ICA1: variants seen among roughly 807,000 people sequenced by gnomAD.
ICA1 encodes the protein islet cell autoantigen 1.
Under a neutral mutation model 71.0 loss-of-function variants are expected in ICA1, and 40 were observed. The ratio of observed to expected loss-of-function variants is 0.56; its 90% CI spans 0.44 to 0.73. The LOEUF (loss-of-function observed/expected upper bound fraction) is 0.73, where lower values mean the gene tolerates loss of function less well. Among genes scored for constraint, ICA1 ranks in the 30% least tolerant of loss-of-function variants. The probability of loss-of-function intolerance (pLI) is 0.00; values close to 1 mark genes in which losing one functional copy is unlikely to be tolerated. For missense variants in ICA1, 578 were observed against 576.5 expected (o/e 1.00, Z -0.03); for synonymous variants, 207 against 209.5 (o/e 0.99, Z 0.10).
At chr7:8,134,242 G>A (rs1303826795) in intron 12 of ICA1, among the ~76,000 whole-genome samples, 3 of 152,170 alleles carry the variant, frequency 2.0e-5, no homozygotes, top group African/African-American at 7.2e-5. Flanking sequence ...GCCCCTGGGA[G>A]AACATTCCCT....
At chr7:8,245,267 G>A (rs950247800) in intron 1 of ICA1, among the ~76,000 whole-genome samples, 26 of 152,086 alleles carry the variant, frequency 1.7e-4, no homozygotes, top group Admixed American at 1.7e-3. Flanking sequence ...GCAAGGACAT[G>A]GATGAAGCTG....
chr7:8,147,068 T>A (rs1372814385), intron 8 of ICA1, among the ~76,000 whole-genome samples: 4 of 151,958 alleles, frequency 2.6e-5, no homozygotes, highest in Non-Finnish European at 5.9e-5. Flanking sequence ...CTTCTCATTG[T>A]GTTTCCTTTT....
chr7:8,175,875 C>T (rs1242999906), intron 6 of ICA1, among the ~76,000 whole-genome samples: 2 of 152,182 alleles, frequency 1.3e-5, no homozygotes, highest in African/African-American at 4.8e-5. Context: ...GCATAATCCA[C>T]TTTTCGGAGT....
At chr7:8,209,834 C>T (rs1405994282) in intron 6 of ICA1, among the ~76,000 whole-genome samples, 1 of 152,136 alleles carries the variant, frequency 6.6e-6, no homozygotes, top group Non-Finnish European at 1.5e-5. Flanking sequence ...GAAACAGAGC[C>T]TGCAAAGGTC....
At chr7:8,166,372 C>G (rs867483411) in intron 6 of ICA1, among the ~76,000 whole-genome samples, 2 of 151,800 alleles carry the variant, frequency 1.3e-5, no homozygotes, top group African/African-American at 4.8e-5. Flanking sequence ...TCAACAAAGT[C>G]GACAAAAACA....
chr7:8,246,817 G>A (rs1034982445), intron 1 of ICA1, among the ~76,000 whole-genome samples: 8 of 152,182 alleles, frequency 5.3e-5, no homozygotes, highest in Admixed American at 1.3e-4. Flanking sequence ...TGCGATCTCG[G>A]CTCACCACAA....
At chr7:8,204,260 A>T (rs945026539) in intron 6 of ICA1, among the ~76,000 whole-genome samples, 5 of 152,254 alleles carry the variant, frequency 3.3e-5, no homozygotes, top group African/African-American at 1.2e-4. Context: ...TGTTTATCGG[A>T]TTGTAGTAAT....
At chr7:8,228,538 C>CTTAGG in intron 4 of ICA1, 63 bp downstream of exon 4, 2 of 1,007,608 alleles carry the variant, frequency 2.0e-6, no homozygotes, top group Non-Finnish European at 2.9e-6. Flanking sequence ...AATGATGTAT[C>CTTAGG]AAGACAAAAT....
At chr7:8,227,605 CTTTTTTTT>C (rs752042709) in intron 4 of ICA1, 24 of 312,084 alleles carry the variant, frequency 7.7e-5, no homozygotes, top group African/African-American at 1.0e-4. Context: ...AAGTAGTTGT[CTTTTTTTT>C]TTTTTTTTTT....
At chr7:8,193,295 G>T (rs538808427) in intron 6 of ICA1, among the ~76,000 whole-genome samples, 1 of 152,266 alleles carries the variant, frequency 6.6e-6, no homozygotes, top group East Asian at 1.9e-4. Context: ...GTATGTATCA[G>T]AAATCAGGAG....
At chr7:8,199,098 T>C (rs1788667414) in intron 6 of ICA1, among the ~76,000 whole-genome samples, 1 of 152,152 alleles carries the variant, frequency 6.6e-6, no homozygotes, top group Admixed American at 6.5e-5. Flanking sequence ...CAATAACAAA[T>C]TCTGGCAAGG....
At chr7:8,163,762 C>CT (rs1219506955) in intron 6 of ICA1, among the ~76,000 whole-genome samples, 1 of 152,090 alleles carries the variant, frequency 6.6e-6, no homozygotes, top group Non-Finnish European at 1.5e-5. Flanking sequence ...GGTCCTAGAG[C>CT]TGAGAGTAGG....
In ICA1 at chr7:8,113,847, A is replaced by C; in HGVS notation, c.*76T>G. ...ACATAATTATTAAAACAGCATACTGATCACTTTATACTTCTGCTAGCCCCC... is the reference window on the plus strand; with the variant it reads ...ACATAATTATTAAAACAGCATACTGCTCACTTTATACTTCTGCTAGCCCCC... On this transcript the variant is annotated 3_prime_UTR_variant, in exon 14 of 14. Transcript: ENST00000402384. This position sits in a 1 kb window ranked among gnomAD's most constrained non-coding sequence, Gnocchi z 4.2. 6.7e-7 allele frequency: 1 copy of C among 1,490,438 alleles called. No homozygotes were observed. Among genetic ancestry groups the C allele is most frequent in the Non-Finnish European group, 9.3e-7 (1 of 1,069,582 alleles). 92.3% of individuals were successfully genotyped at this position (1,490,438 alleles called of 1,614,324 possible). A position where few individuals can be genotyped will look rare whatever the true frequency, so the allele number is the denominator to read the frequency against.
chr7:8,170,889 G>C (rs181527448), intron 6 of ICA1, among the ~76,000 whole-genome samples: 77 of 151,894 alleles, frequency 5.1e-4, no homozygotes, highest in African/African-American at 1.8e-3. Context: ...TATTTATTTT[G>C]TTCCTGATCT....
At chr7:8,231,328 C>T (rs961544345) in intron 3 of ICA1, among the ~76,000 whole-genome samples, 8 of 152,082 alleles carry the variant, frequency 5.3e-5, no homozygotes, top group African/African-American at 1.7e-4. Flanking sequence ...GAGGCAGGGC[C>T]AGTGGGTCAG....
intron 12 of ICA1, among the ~76,000 whole-genome samples, chr7:8,134,892 T>TA (rs893236612): frequency 7.8e-4 from 113 of 145,644 alleles, no homozygotes; most frequent in African/African-American, 6.7e-4. Context: ...GAGTAGGCAC[T>TA]AAAAAAAAAA....
chr7:8,217,914 T>C (rs1795891654), intron 6 of ICA1, among the ~76,000 whole-genome samples: 1 of 152,230 alleles, frequency 6.6e-6, no homozygotes, highest in Non-Finnish European at 1.5e-5. Context: ...TATTATTCTA[T>C]TAATTTTAAT....
rs891173602 is a variant in ICA1, at chr7:8,130,438, T to A, written c.1061-2296A>T. Reference sequence around the variant, plus strand: ...TCTACGCATGCTCCCCTCTCCAGCATCACCTTTTTAAGGATTATTAACATT... The same window carrying A: ...TCTACGCATGCTCCCCTCTCCAGCAACACCTTTTTAAGGATTATTAACATT... On this transcript the variant is annotated intron_variant, in intron 12 of 13. Coordinates refer to ENST00000402384, the MANE Select transcript of ICA1 (RefSeq NM_001136020.3). The surrounding 1 kb of genome is among the most constrained non-coding windows in gnomAD (Gnocchi z 4.2). 3.3e-5 allele frequency among the ~76,000 whole-genome samples: 5 copies of A among 152,244 alleles called. No individual in the cohort carries two copies. Among genetic ancestry groups the A allele is most frequent in the Non-Finnish European group, 5.9e-5 (4 of 68,050 alleles).
At chr7:8,202,004 C>T (rs1487194391) in intron 6 of ICA1, among the ~76,000 whole-genome samples, 4 of 152,136 alleles carry the variant, frequency 2.6e-5, no homozygotes, top group South Asian at 2.1e-4. Flanking sequence ...CCCCTGCCTA[C>T]CCCCAGGACA....
Sources: allele counts gnomAD v4.1 joint callset (sites outside exome capture counted in the v4.1 genomes callset), GRCh38; gene constraint gnomAD v4.1.1; non-coding constraint Gnocchi (gnomAD v3.1); transcripts MANE v1.5; gene names NCBI Gene and HGNC (gene_info 2026-07-23, HGNC 2026-07-21).